Variants in LRRC7 observed in about 807,000 individuals in gnomAD.
The protein encoded by LRRC7 is leucine rich repeat containing 7.
Under a neutral mutation model 175.7 loss-of-function variants are expected in LRRC7, and 23 were observed. The observed-to-expected ratio is 0.13, with a 90% CI of 0.09 to 0.19. The LOEUF is 0.19. LRRC7 is among the 10% of genes least tolerant of loss of function. LRRC7 has a pLI of 1.00. For synonymous variants in LRRC7, 685 were observed against 680.9 expected (o/e 1.01, Z -0.09); for missense variants, 1,354 against 1,904.7 (o/e 0.71, Z 5.38).
intron 2 of LRRC7, among the ~76,000 whole-genome samples, chr1:69,751,961 C>T (rs779277174): frequency 2.4e-4 from 36 of 152,168 alleles, no homozygotes; most frequent in South Asian, 1.0e-3. Context: ...TGAAGAAAAA[C>T]TGGTTTCCCT....
At chr1:69,813,202 G>A (rs1029859185) in intron 4 of LRRC7, among the ~76,000 whole-genome samples, 16 of 152,036 alleles carry the variant, frequency 1.1e-4, no homozygotes, top group Non-Finnish European at 8.8e-5. Context: ...TCAATTATCA[G>A]ATTACTCCCT....
At chr1:69,788,607 A>C (rs1318027342) in intron 3 of LRRC7, among the ~76,000 whole-genome samples, 1 of 152,188 alleles carries the variant, frequency 6.6e-6, no homozygotes, top group Non-Finnish European at 1.5e-5. Flanking sequence ...GTATTCTTTG[A>C]GTTGAGATTA....
At chr1:69,808,639 G>A (rs1354874488) in intron 4 of LRRC7, among the ~76,000 whole-genome samples, 1 of 152,054 alleles carries the variant, frequency 6.6e-6, no homozygotes, top group Non-Finnish European at 1.5e-5. Flanking sequence ...CAAGGAAACT[G>A]AACAACCTGC....
intron 2 of LRRC7, among the ~76,000 whole-genome samples, chr1:69,750,208 A>G (rs1002086940): frequency 6.6e-6 from 1 of 152,034 alleles, no homozygotes; most frequent in Non-Finnish European, 1.5e-5. Flanking sequence ...AGGTTGGTTA[A>G]TGGGTAAAAA....
chr1:69,667,792 T>A (rs900339780), intron 1 of LRRC7, among the ~76,000 whole-genome samples: 5 of 152,216 alleles, frequency 3.3e-5, no homozygotes, highest in African/African-American at 1.2e-4. Context: ...GAGTTTAGTC[T>A]ATTTATATTC....
intron 3 of LRRC7, among the ~76,000 whole-genome samples, chr1:69,773,513 C>A (rs914959580): frequency 2.0e-5 from 3 of 152,030 alleles, no homozygotes; most frequent in African/African-American, 4.8e-5. Context: ...AGAGGAATAT[C>A]ACTTATAAAA....
rs562876314 is a variant in LRRC7, at chr1:69,973,529, G to A, written c.712-6850G>A. ...GCAGGAGTTATTGGAATTTGTTGCA[G>A]TCATACAAAATATATATTTTCTTTG... is the stretch of plus-strand genomic sequence containing the variant. On this transcript the variant is annotated intron_variant, in intron 8 of 26. Transcript: ENST00000651989. Among the ~76,000 whole-genome samples, 4 of 152,250 alleles carry A rather than the reference G, an allele frequency of 2.6e-5. No individual in the cohort carries two copies. The East Asian group carries it at 7.7e-4, about 29-fold the overall frequency.
At chr1:69,688,470 C>T (rs769185544) in intron 2 of LRRC7, among the ~76,000 whole-genome samples, 3 of 152,062 alleles carry the variant, frequency 2.0e-5, no homozygotes, top group Non-Finnish European at 4.4e-5. Flanking sequence ...GTTTGCATAA[C>T]TGGAAGTTTA....
At chr1:69,704,811 T>C (rs967420517) in intron 2 of LRRC7, among the ~76,000 whole-genome samples, 1 of 152,010 alleles carries the variant, frequency 6.6e-6, no homozygotes, top group Non-Finnish European at 1.5e-5. Context: ...TCTAATCAAT[T>C]ATATGTATAA....
intron 11 of LRRC7, among the ~76,000 whole-genome samples, chr1:70,000,957 T>C (rs189724662): frequency 1.3e-5 from 2 of 152,286 alleles, no homozygotes; most frequent in East Asian, 3.9e-4. Flanking sequence ...TTTCCACCAA[T>C]ATAATCACCA....
At chr1:69,688,914 A>G (rs1397176894) in intron 2 of LRRC7, among the ~76,000 whole-genome samples, 1 of 152,198 alleles carries the variant, frequency 6.6e-6, no homozygotes, top group African/African-American at 2.4e-5. Context: ...TTTTGCATAT[A>G]CTACATATTT....
At chr1:69,910,342 G>A (rs1031369719) in intron 7 of LRRC7, among the ~76,000 whole-genome samples, 1 of 152,154 alleles carries the variant, frequency 6.6e-6, no homozygotes, top group African/African-American at 2.4e-5. Context: ...CTTTGATGAT[G>A]GTGACGTACA....
intron 21 of LRRC7, among the ~76,000 whole-genome samples, chr1:70,041,970 A>G (rs1255520843): frequency 6.6e-6 from 1 of 152,208 alleles, no homozygotes; most frequent in African/African-American, 2.4e-5. Flanking sequence ...CTATGATGAC[A>G]CTTCCCTTCT....
intron 1 of LRRC7, among the ~76,000 whole-genome samples, chr1:69,610,372 T>C (rs1648514095): frequency 6.6e-6 from 1 of 152,000 alleles, no homozygotes; most frequent in African/African-American, 2.4e-5. Context: ...TCAGGAAGTA[T>C]CATAATTGCA....
chr1:69,779,192 A>C (rs1276672467), intron 3 of LRRC7, among the ~76,000 whole-genome samples: 1 of 152,086 alleles, frequency 6.6e-6, no homozygotes, highest in East Asian at 1.9e-4. Context: ...TTTACCAACC[A>C]ATAATTACTA....
chr1:70,011,939 C>T lies in LRRC7; in HGVS notation c.1134+13C>T. 6.3e-7 allele frequency: 1 copy of T among 1,585,842 alleles called. No homozygotes were observed. The highest frequency in any genetic ancestry group is 8.6e-7 in the Non-Finnish European group (1 of 1,157,002). On this transcript the variant is annotated intron_variant, in intron 12 of 26. Transcript: ENST00000651989. ...ATTACCCAGAGAAGTGAGAAATAAA[C>T]TTGTTTTCTATTTATTAACTTTTAA...
chr1:70,107,198 G>A (rs1195237146), intron 25 of LRRC7, among the ~76,000 whole-genome samples: 1 of 152,056 alleles, frequency 6.6e-6, no homozygotes, highest in Non-Finnish European at 1.5e-5. Flanking sequence ...TATTTAAAAT[G>A]CATGTTCCAG....
At chr1:69,833,132 T>A (rs1272125990) in intron 5 of LRRC7, among the ~76,000 whole-genome samples, 1 of 151,894 alleles carries the variant, frequency 6.6e-6, no homozygotes, top group East Asian at 1.9e-4. Flanking sequence ...ACGACTGTAA[T>A]GTTCATTAGA....
intron 3 of LRRC7, among the ~76,000 whole-genome samples, chr1:69,771,425 TCC>T (rs1357055327): frequency 6.6e-6 from 1 of 152,154 alleles, no homozygotes; most frequent in African/African-American, 2.4e-5. Context: ...ATCTGTAGTA[TCC>T]CAGTCATTTT....
Sources: allele counts gnomAD v4.1 joint callset (sites outside exome capture counted in the v4.1 genomes callset), GRCh38; gene constraint gnomAD v4.1.1; transcripts MANE v1.5; gene names NCBI Gene and HGNC (gene_info 2026-07-23, HGNC 2026-07-21).